Variants in SLC30A3 observed in about 807,000 individuals in gnomAD.
SLC30A3 encodes the protein solute carrier family 30 member 3.
A neutral mutation model predicts 35.6 loss-of-function variants in SLC30A3; 20 were observed. That is an observed-to-expected ratio of 0.56 (90% confidence interval 0.39 to 0.82). The LOEUF (loss-of-function observed/expected upper bound fraction) is 0.82, where lower values mean the gene tolerates loss of function less well. SLC30A3 is among the 40% of genes least tolerant of loss of function. The pLI, the probability that SLC30A3 is intolerant of heterozygous loss-of-function variation, is 0.00. For synonymous variants in SLC30A3, 217 were observed against 224.7 expected (o/e 0.97, Z 0.31); for missense variants, 401 against 530.6 (o/e 0.76, Z 2.40).
At position 27,257,023 on chromosome 2, in the gene SLC30A3, G is replaced by A. The variant is rs548738960; in HGVS notation, c.778-130C>T. 7.0e-6 allele frequency: 8 copies of A among 1,144,584 alleles called. No individual in the cohort carries two copies. The highest frequency in any genetic ancestry group is 6.2e-5 in the African/African-American group (4 of 64,708). 70.9% of individuals were successfully genotyped at this position (1,144,584 alleles called of 1,614,324 possible). The stretch of plus-strand genomic sequence containing the variant: ...AGAGGGGACAGGGAACATGACTCAT[G>A]TCTGGGAGAGTCCTGGGAGGTGGGA... On this transcript the variant is annotated intron_variant, in intron 5 of 7. Coordinates refer to ENST00000233535, the MANE Select transcript of SLC30A3 (RefSeq NM_003459.5). This position sits in a 1 kb window ranked among gnomAD's most constrained non-coding sequence, Gnocchi z 4.7.
At chr2:27,272,201 T>C (rs1440246883) in intron 1 of SLC30A3, among the ~76,000 whole-genome samples, 2 of 152,204 alleles carry the variant, frequency 1.3e-5, no homozygotes, top group Non-Finnish European at 2.9e-5. Context: ...ATCACGTTAT[T>C]ATCTCCCCTC....
At position 27,255,408 on chromosome 2, in the gene SLC30A3, G is replaced by A. The variant is rs373184365; in HGVS notation, c.1071C>T (p.Tyr357=). 4.0e-5 allele frequency: 65 copies of A among 1,614,018 alleles called. No homozygotes were observed. The East Asian group carries it at 9.6e-4, about 24-fold the overall frequency. Residue 357 remains tyrosine (Y), a synonymous_variant, in exon 8 of 8, where the codon TAC becomes TAT. Transcript: ENST00000233535. The surrounding 1 kb of genome is among the most constrained non-coding windows in gnomAD (Gnocchi z 5.2). ...AVLAEASSRL[Y]SRFGFSSCTL... Reference sequence around the variant, plus strand: ...TGCAGCTGGAGAATCCAAACCGGGAGTAGAGCCGGGATGAGGCTTCAGCCA... The same window carrying A: ...TGCAGCTGGAGAATCCAAACCGGGAATAGAGCCGGGATGAGGCTTCAGCCA...
rs905658228 is a variant in SLC30A3 at position 27,262,519 on chromosome 2, G to A, written c.95+293C>T. Among the ~76,000 whole-genome samples the A allele has an allele frequency of 6.6e-6, 1 of 151,924 alleles. No individual in the cohort carries two copies. The highest frequency in any genetic ancestry group is 6.6e-5 in the Admixed American group (1 of 15,266). On this transcript the variant is annotated intron_variant, in intron 1 of 7. Coordinates refer to ENST00000233535, the MANE Select transcript of SLC30A3 (RefSeq NM_003459.5). The surrounding 1 kb of genome is among the most constrained non-coding windows in gnomAD (Gnocchi z 7.5). The stretch of plus-strand genomic sequence containing the variant: ...CCGACCGAGCGGCAGCTGCTCCCAG[G>A]GAAGGCAGGCGCCGCGGGGGTGGCG...
chr2:27,259,809 T>C (rs926435422), intron 1 of SLC30A3, among the ~76,000 whole-genome samples: 5 of 152,170 alleles, frequency 3.3e-5, no homozygotes, highest in Non-Finnish European at 5.9e-5. Flanking sequence ...TACTGATCTC[T>C]GAGAGCTTTT....
intron 7 of SLC30A3, 140 bp downstream of exon 7, chr2:27,256,246 G>T (rs1457087455): frequency 2.1e-6 from 2 of 952,546 alleles, no homozygotes; most frequent in East Asian, 2.6e-5. Flanking sequence ...GTGTGTATGT[G>T]TCTATGTGAG....
chr2:27,263,643 C>T (rs1404445161), upstream of SLC30A3, among the ~76,000 whole-genome samples: 2 of 151,394 alleles, frequency 1.3e-5, no homozygotes, highest in African/African-American at 2.4e-5. Flanking sequence ...GCTTCCTGCT[C>T]TCCTTCAACC....
At chr2:27,275,433 G>C, upstream of SLC30A3, 1 of 358,960 alleles carries the variant, frequency 2.8e-6, no homozygotes. Flanking sequence ...AAAACGACCT[G>C]CCCAGACCCT....
At chr2:27,264,008 A>G, upstream of SLC30A3, 1 of 1,285,708 alleles carries the variant, frequency 7.8e-7, no homozygotes, top group Non-Finnish European at 1.0e-6. This position sits in a 1 kb window ranked among gnomAD's most constrained non-coding sequence, Gnocchi z 6.1. Context: ...GGAGCGACTT[A>G]CAGCAAAGTC....
At position 27,255,737 on chromosome 2, in the gene SLC30A3, C is replaced by T; in HGVS notation, c.1019-277G>A. On this transcript the variant is annotated intron_variant, in intron 7 of 7. Coordinates refer to ENST00000233535, the MANE Select transcript of SLC30A3 (RefSeq NM_003459.5). The surrounding 1 kb of genome is among the most constrained non-coding windows in gnomAD (Gnocchi z 5.2). ...ACAGCTCAACATTTCAGCAGCCATA[C>T]CACCCGATTTCCCAGGACAATCCAG... The T allele has an allele frequency of 2.3e-6, 1 of 428,178 alleles. No individual in the cohort carries two copies. The highest frequency in any genetic ancestry group is 4.2e-6 in the Non-Finnish European group (1 of 237,890). The allele number at this position is 428,178 out of a possible 1,614,324, so 26.5% of individuals were successfully genotyped here.
At chr2:27,272,672 C>T (rs1228905406) in intron 1 of SLC30A3, among the ~76,000 whole-genome samples, 1 of 151,638 alleles carries the variant, frequency 6.6e-6, no homozygotes, top group Non-Finnish European at 1.5e-5. Flanking sequence ...GTGATCGACC[C>T]GCCTCGGCCT....
At chr2:27,264,645 A>T (rs1350586593), upstream of SLC30A3, among the ~76,000 whole-genome samples, 1 of 152,082 alleles carries the variant, frequency 6.6e-6, no homozygotes, top group Admixed American at 6.5e-5. This position sits in a 1 kb window ranked among gnomAD's most constrained non-coding sequence, Gnocchi z 6.1. Flanking sequence ...CCTCCGCGCC[A>T]GCCCCCAGCC....
At chr2:27,256,211 C>A (rs756582382) in intron 7 of SLC30A3, 175 bp downstream of exon 7, 5 of 722,200 alleles carry the variant, frequency 6.9e-6, no homozygotes, top group South Asian at 1.8e-5. Flanking sequence ...CTCCAACATG[C>A]ACGAGCGCAC....
chr2:27,270,065 T>C (rs1234980835), intron 1 of SLC30A3, among the ~76,000 whole-genome samples: 1 of 152,210 alleles, frequency 6.6e-6, no homozygotes, highest in Admixed American at 6.5e-5. Flanking sequence ...TCCCAAAACA[T>C]AACCTGATGT....
chr2:27,272,394 C>T (rs963745322), intron 1 of SLC30A3, among the ~76,000 whole-genome samples: 5 of 152,142 alleles, frequency 3.3e-5, no homozygotes, highest in Admixed American at 2.6e-4. Flanking sequence ...CATTCATTCA[C>T]TCACGTGAGC....
chr2:27,275,237 A>G (rs1677957834), exon 1 of SLC30A3: 1 of 1,303,692 alleles, frequency 7.7e-7, no homozygotes. Context: ...GGCCATCAAG[A>G]TGGGTGGTGC....
In SLC30A3 at chr2:27,262,855, G is replaced by T. The variant is rs757040795; in HGVS notation, c.52C>A (p.Pro18Thr). Residue 18 changes from proline (P) to threonine (T), a missense_variant, in exon 1 of 8, where the codon CCC becomes ACC. Coordinates refer to ENST00000233535, the MANE Select transcript of SLC30A3 (RefSeq NM_003459.5). The surrounding 1 kb of genome is among the most constrained non-coding windows in gnomAD (Gnocchi z 7.5). ...CCTCCGGCGCCACCGCGGTCCCGGG[G>T]GCTCACCAGGCGAGTGGTCTCCAAG... ...GGLETTRLVS[P>T]RDRGGAGGSL... 1 of 1,565,384 alleles carries T rather than the reference G, an allele frequency of 6.4e-7. No individual in the cohort carries two copies. Among genetic ancestry groups the T allele is most frequent in the Non-Finnish European group, 8.6e-7 (1 of 1,161,034 alleles).
At position 27,256,461 on chromosome 2, in the gene SLC30A3, C is replaced by T; in HGVS notation, c.943G>A (p.Val315Ile). 6.2e-7 allele frequency: 1 copy of T among 1,614,080 alleles called. No individual in the cohort carries two copies. Residue 315 changes from valine (V) to isoleucine (I), a missense_variant, in exon 7 of 8, where the codon GTC becomes ATC. Val to Ile is a conservative substitution (Grantham distance 29, BLOSUM62 3). Coordinates refer to ENST00000233535, the MANE Select transcript of SLC30A3 (RefSeq NM_003459.5). ...AGGTGCAGCTCATGGGTTGCCCGGACTCCTGGCACCGACAACAGCGTATCC... is the reference window on the plus strand; with the variant it reads ...AGGTGCAGCTCATGGGTTGCCCGGATTCCTGGCACCGACAACAGCGTATCC... ...VRDTLLSVPG[V>I]RATHELHLWA...
upstream of SLC30A3, among the ~76,000 whole-genome samples, chr2:27,266,450 T>C (rs1677497893): frequency 6.6e-6 from 1 of 152,310 alleles, no homozygotes; most frequent in Admixed American, 6.5e-5. Context: ...CTTTCCACAC[T>C]CACTCCCATG....
Position 27,258,622 on chromosome 2 carries a change from G to T in SLC30A3, c.277+131C>A. 1 of 1,018,444 alleles carries T rather than the reference G, an allele frequency of 9.8e-7. No homozygotes were observed. Among genetic ancestry groups the T allele is most frequent in the Non-Finnish European group, 1.5e-6 (1 of 682,374 alleles). The allele number at this position is 1,018,444 out of a possible 1,614,324, so 63.1% of individuals were successfully genotyped here. A position where few individuals can be genotyped will look rare whatever the true frequency, so the allele number is the denominator to read the frequency against. ...ATCCCTCCTACTTCCTGAGTCCTGG[G>T]CACCCAGCTCCCCTATCCCAGCCAT... On this transcript the variant is annotated intron_variant, in intron 2 of 7. Transcript: ENST00000233535. This position sits in a 1 kb window ranked among gnomAD's most constrained non-coding sequence, Gnocchi z 4.0.
Sources: allele counts gnomAD v4.1 joint callset (sites outside exome capture counted in the v4.1 genomes callset), GRCh38; gene constraint gnomAD v4.1.1; non-coding constraint Gnocchi (gnomAD v3.1); transcripts MANE v1.5; gene names NCBI Gene and HGNC (gene_info 2026-07-23, HGNC 2026-07-21).